The following DNAH7 variants were observed in gnomAD, a reference collection of about 807,000 sequenced individuals.
DNAH7 encodes dynein axonemal heavy chain 7.
DNAH7 carries 397 observed loss-of-function variants against 444.6 expected under a neutral mutation model. The observed-to-expected ratio is 0.89, with a 90% confidence interval of 0.82 to 0.97. The LOEUF is 0.97. Among genes scored for constraint, DNAH7 ranks in the 50% least tolerant of loss-of-function variants. The pLI is 0.00. For synonymous variants in DNAH7, 1,636 were observed against 1,624.4 expected (o/e 1.01, Z -0.17); for missense variants, 4,902 against 4,800.8 (o/e 1.02, Z -0.62).
rs1324167979 is a variant in DNAH7 at position 195,938,958 on chromosome 2, T to A, written c.3079-2166A>T. Among the ~76,000 whole-genome samples, 5 of 152,158 alleles carry A rather than the reference T, an allele frequency of 3.3e-5. No individual in the cohort carries two copies. The South Asian group carries it at 6.2e-4, about 19-fold the overall frequency. On this transcript the variant is annotated intron_variant, in intron 19 of 64. Transcript: ENST00000312428. ...TATCAGATAAAGAAAGGGGCCCAAG[T>A]TGAACAGACTTGGTGTCTGTCCACA...
chr2:195,848,455 C>T (rs754089156), intron 46 of DNAH7, among the ~76,000 whole-genome samples: 7 of 152,200 alleles, frequency 4.6e-5, no homozygotes, highest in Non-Finnish European at 1.0e-4. Flanking sequence ...TTACTGATGA[C>T]ACTAATTTTT....
At position 195,772,423 on chromosome 2, in the gene DNAH7, C is replaced by T. The variant is rs571745660; in HGVS notation, c.11203-533G>A. 1.2e-4 allele frequency among the ~76,000 whole-genome samples: 18 copies of T among 152,090 alleles called. No individual in the cohort carries two copies. The South Asian group carries it at 1.9e-3, about 16-fold the overall frequency. On this transcript the variant is annotated intron_variant, in intron 60 of 64. Transcript: ENST00000312428. Reference sequence around the variant, plus strand: ...TCTAAGCAGCTGGAAGAGTTATGGACGAAAGACAGACTTTAGTGATTCACG... The same window carrying T: ...TCTAAGCAGCTGGAAGAGTTATGGATGAAAGACAGACTTTAGTGATTCACG...
chr2:195,966,133 T>C (rs1691460189), intron 17 of DNAH7, among the ~76,000 whole-genome samples: 2 of 152,074 alleles, frequency 1.3e-5, no homozygotes, highest in Non-Finnish European at 2.9e-5. Flanking sequence ...AGATACCATA[T>C]GTTTTGTTAT....
rs1243336641 is a variant in DNAH7, at chr2:195,976,786, A to AGAGAGAGAGAGAGG, written c.1834-4321_1834-4320insCCTCTCTCTCTCTC. ...GAGAGAGAGAGAGAGAGAGAGAGAGAGACTCTCTAATTATTTGGGAGAAAT... is the reference window on the plus strand; with the variant it reads ...GAGAGAGAGAGAGAGAGAGAGAGAGAGAGAGAGAGAGAGGGACTCTCTAATTATTTGGGAGAAAT... On this transcript the variant is annotated intron_variant, in intron 15 of 64. Transcript: ENST00000312428. 5.4e-5 allele frequency among the ~76,000 whole-genome samples: 8 copies of AGAGAGAGAGAGAGG among 147,520 alleles called. No individual in the cohort carries two copies. In the South Asian group the frequency reaches 1.3e-3, roughly 24 times the overall value.
intron 19 of DNAH7, among the ~76,000 whole-genome samples, chr2:195,956,271 A>C (rs1324520327): frequency 6.6e-6 from 1 of 151,782 alleles, no homozygotes; most frequent in Admixed American, 6.6e-5. Context: ...CCAATGCAGA[A>C]GTTTATATTC....
At chr2:195,974,899 TTTTCA>T in intron 15 of DNAH7, among the ~76,000 whole-genome samples, 1 of 152,266 alleles carries the variant, frequency 6.6e-6, no homozygotes, top group South Asian at 2.1e-4. Flanking sequence ...TTTTAACAAA[TTTTCA>T]TTTAAGTGAA....
At position 195,872,483 on chromosome 2, in the gene DNAH7, T is replaced by A. The variant is rs770188523; in HGVS notation, c.6414-14A>T. On this transcript the variant is annotated splice_polypyrimidine_tract_variant and intron_variant, in intron 39 of 64. Coordinates refer to ENST00000312428, the MANE Select transcript of DNAH7 (RefSeq NM_018897.3). ...GGAAATTTATAACTTAAAAATTTTT[T>A]AAATAAAAAGAAAGGAAAATGTTAG... 3.9e-6 allele frequency: 6 copies of A among 1,537,364 alleles called. No homozygotes were observed. The highest frequency in any genetic ancestry group is 3.8e-5 in the South Asian group (3 of 79,916).
chr2:195,828,204 C>T (rs1697876098), intron 48 of DNAH7, among the ~76,000 whole-genome samples: 2 of 152,046 alleles, frequency 1.3e-5, no homozygotes, highest in African/African-American at 2.4e-5. Context: ...AAATATAATT[C>T]CCCATTGTCT....
chr2:195,754,458 T>A lies in DNAH7; in HGVS notation c.11643A>T (p.Thr3881=), dbSNP rs765011410. The change falls in exon 63 of 65, where the codon ACA becomes ACT. Residue 3881 remains threonine (T), a synonymous_variant. Transcript: ENST00000312428. ...PVFWLSGFFF[T]QAFLTGAQQN... ...GCTGGGCACCGGTCAGGAAGGCTTGTGTGAAGAAGAAGCCAGAAAGCCAGA... is the reference window on the plus strand; with the variant it reads ...GCTGGGCACCGGTCAGGAAGGCTTGAGTGAAGAAGAAGCCAGAAAGCCAGA... The A allele has an allele frequency of 1.3e-5, 21 of 1,614,074 alleles. No homozygotes were observed. The South Asian group carries it at 2.2e-4, about 17-fold the overall frequency.
chr2:195,916,031 C>T (rs1480804840), intron 24 of DNAH7, among the ~76,000 whole-genome samples: 1 of 152,120 alleles, frequency 6.6e-6, no homozygotes, highest in African/African-American at 2.4e-5. Context: ...AAAATAAAAT[C>T]AGATCTTTGA....
intron 19 of DNAH7, among the ~76,000 whole-genome samples, chr2:195,947,929 A>G (rs1689932451): frequency 6.6e-6 from 1 of 152,130 alleles, no homozygotes; most frequent in African/African-American, 2.4e-5. Flanking sequence ...AAACGTTCCT[A>G]TTCCTTCACA....
intron 38 of DNAH7, among the ~76,000 whole-genome samples, chr2:195,875,450 G>A (rs976146498): frequency 1.3e-5 from 2 of 152,130 alleles, no homozygotes; most frequent in African/African-American, 4.8e-5. Flanking sequence ...TCCAGAAGGT[G>A]GGAGAAAAAA....
At position 195,910,158 on chromosome 2, in the gene DNAH7, C is replaced by T. The variant is rs774128182; in HGVS notation, c.3973G>A (p.Ala1325Thr). ...FGALHLHLGG[A>T]PEGPAGTGKT... ...CCAGTGCCAGCTGGACCCTCAGGTG[C>T]TCCTCCAAGGTGCAAATGAAGGGCT... The change falls in exon 25 of 65, where the codon GCA (alanine) becomes ACA (threonine). Residue 1325 changes from alanine (A) to threonine (T), a missense_variant. Ala to Thr is a moderately conservative substitution (Grantham distance 58). Transcript: ENST00000312428. 6.2e-7 allele frequency: 1 copy of T among 1,613,092 alleles called. No homozygotes were observed. The highest frequency in any genetic ancestry group is 1.3e-5 in the African/African-American group (1 of 74,992).
chr2:195,838,833 A>G (rs1028475550), intron 47 of DNAH7, among the ~76,000 whole-genome samples: 1 of 151,926 alleles, frequency 6.6e-6, no homozygotes, highest in African/African-American at 2.4e-5. Context: ...AAAACCATCA[A>G]GGATAAAGGG....
intron 24 of DNAH7, among the ~76,000 whole-genome samples, chr2:195,915,864 C>G (rs947398782): frequency 6.6e-6 from 1 of 152,220 alleles, no homozygotes; most frequent in African/African-American, 2.4e-5. Flanking sequence ...ATTCTTCAAT[C>G]CAGATTATAC....
intron 40 of DNAH7, among the ~76,000 whole-genome samples, chr2:195,866,222 T>C (rs1700335058): frequency 6.6e-6 from 1 of 152,218 alleles, no homozygotes; most frequent in Non-Finnish European, 1.5e-5. Flanking sequence ...ACAAAATATG[T>C]GAAAACACTG....
At chr2:195,946,462 G>T (rs1222572610) in intron 19 of DNAH7, among the ~76,000 whole-genome samples, 1 of 152,036 alleles carries the variant, frequency 6.6e-6, no homozygotes. Context: ...ACCTGTGTTG[G>T]ATCTTCACCT....
intron 12 of DNAH7, among the ~76,000 whole-genome samples, chr2:195,990,970 C>T (rs895882904): frequency 2.2e-5 from 3 of 133,518 alleles, no homozygotes; most frequent in East Asian, 2.2e-4. Context: ...AATATATATA[C>T]ATATATATAT....
intron 44 of DNAH7, 88 bp from the exon 45 acceptor site, chr2:195,856,079 CTAT>C: frequency 8.2e-7 from 1 of 1,226,032 alleles, no homozygotes; most frequent in Admixed American, 2.3e-5. Context: ...AATACCCTTA[CTAT>C]AACTGAAAAC....
Sources: gnomAD v4.1 joint callset for allele counts (sites outside exome capture counted in the v4.1 genomes callset) on GRCh38, gnomAD v4.1.1 for gene constraint, MANE v1.5 for transcripts, NCBI Gene and HGNC (gene_info 2026-07-23, HGNC 2026-07-21) for gene names.